The following RNF168 variants were observed in gnomAD, a reference collection of about 807,000 sequenced individuals.
The protein encoded by RNF168 is ring finger protein 168.
A neutral mutation model predicts 34.9 loss-of-function variants in RNF168; 34 were observed. That is an observed-to-expected ratio of 0.97 (90% confidence interval 0.74 to 1.30). RNF168 has a LOEUF of 1.30. Among genes scored for constraint, RNF168 ranks in the 50% most tolerant of loss-of-function variants. The pLI is 0.00. For synonymous variants in RNF168, 264 were observed against 254.7 expected (o/e 1.04, Z -0.35); for missense variants, 725 against 682.5 (o/e 1.06, Z -0.69).
intron 3 of RNF168, among the ~76,000 whole-genome samples, 165 bp downstream of exon 3, chr3:196,487,234 C>T (rs1387809071): frequency 1.3e-5 from 2 of 152,192 alleles, no homozygotes; most frequent in East Asian, 1.9e-4. Flanking sequence ...CTTTCCGTAT[C>T]AGCAGGTTCC....
intron 1 of RNF168, among the ~76,000 whole-genome samples, chr3:196,501,094 G>T (rs115583178): frequency 0.027 from 4,133 of 152,320 alleles, 113 homozygotes; most frequent in African/African-American, 0.064. Flanking sequence ...TGGTGAGGAA[G>T]TGAAGAAACT....
At chr3:196,492,037 G>C (rs1483428807) in intron 1 of RNF168, among the ~76,000 whole-genome samples, 1 of 152,188 alleles carries the variant, frequency 6.6e-6, no homozygotes, top group Admixed American at 6.5e-5. Flanking sequence ...TGGAAGATGA[G>C]AAAGTTCAGA....
chr3:196,472,330 C>T lies in RNF168; in HGVS notation c.1205G>A (p.Cys402Tyr). Residue 402 changes from cysteine (C) to tyrosine (Y), a missense_variant, in exon 6 of 6, where the codon TGC becomes TAC. Physicochemically the swap from Cys to Tyr is radical, Grantham distance 194 (BLOSUM62 -2). Coordinates refer to ENST00000318037, the MANE Select transcript of RNF168 (RefSeq NM_152617.4). ...ESSFEAVKDP[C>Y]FSAKRRKVSP... ...CACTTTTCTTCTTTTTGCAGAAAAGCATGGATCCTTGACTGCTTCAAAGGA... is the reference window on the plus strand; with the variant it reads ...CACTTTTCTTCTTTTTGCAGAAAAGTATGGATCCTTGACTGCTTCAAAGGA... 1.9e-6 allele frequency: 3 copies of T among 1,614,048 alleles called. No homozygotes were observed. Among genetic ancestry groups the T allele is most frequent in the Non-Finnish European group, 2.5e-6 (3 of 1,179,944 alleles).
In RNF168 at chr3:196,503,297, G is replaced by C; in HGVS notation, c.-124C>G. 1 of 853,842 alleles carries C rather than the reference G, an allele frequency of 1.2e-6. No homozygotes were observed. The highest frequency in any genetic ancestry group is 1.4e-5 in the South Asian group (1 of 69,478). The allele number at this position is 853,842 out of a possible 1,614,324, so 52.9% of individuals were successfully genotyped here. A position where few individuals can be genotyped will look rare whatever the true frequency, so the allele number is the denominator to read the frequency against. The stretch of plus-strand genomic sequence containing the variant: ...CAGTATTATGCCCAGAAGCGTATCA[G>C]AATTCGGAGAACAGGAGCATCCAAC... On this transcript the variant is annotated 5_prime_UTR_variant, in exon 1 of 6. Transcript: ENST00000318037.
At chr3:196,473,336 A>G (rs553496911) in intron 5 of RNF168, among the ~76,000 whole-genome samples, 1 of 152,330 alleles carries the variant, frequency 6.6e-6, no homozygotes, top group South Asian at 2.1e-4. Flanking sequence ...TACAAAAGGA[A>G]CAATTTATGT....
In RNF168 at chr3:196,469,943, T is replaced by C. The variant is rs1198871381; in HGVS notation, c.*1876A>G. 8.5e-6 allele frequency: 1 copy of C among 117,352 alleles called. No individual in the cohort carries two copies. The highest frequency in any genetic ancestry group is 2.6e-5 in the African/African-American group (1 of 39,090). 7.3% of individuals were successfully genotyped at this position (117,352 alleles called of 1,614,324 possible). ...TAATTTTGATTCTGATGCCTGATAG[T>C]AGGGTGTGAAAAGCTGTAAAACCCA... is the stretch of plus-strand genomic sequence containing the variant. On this transcript the variant is annotated 3_prime_UTR_variant, in exon 6 of 6. Coordinates refer to ENST00000318037, the MANE Select transcript of RNF168 (RefSeq NM_152617.4).
Position 196,503,677 on chromosome 3 carries a change from C to T in RNF168, c.-504G>A, listed in dbSNP as rs973382558. 11 of 193,294 alleles carry T rather than the reference C, an allele frequency of 5.7e-5. No homozygotes were observed. Among genetic ancestry groups the T allele is most frequent in the Middle Eastern group, 2.4e-3 (1 of 418 alleles). 12.0% of individuals were successfully genotyped at this position (193,294 alleles called of 1,614,324 possible). A position where few individuals can be genotyped will look rare whatever the true frequency, so the allele number is the denominator to read the frequency against. Reference sequence around the variant, plus strand: ...ACTCCCGTGTTCACCTTTCGGGCGCCTGGCGCAGTTTCCCAGAGCTCCGCG... The same window carrying T: ...ACTCCCGTGTTCACCTTTCGGGCGCTTGGCGCAGTTTCCCAGAGCTCCGCG... On this transcript the variant is annotated 5_prime_UTR_variant, in exon 1 of 6. Transcript: ENST00000318037.
At chr3:196,477,854 TG>T (rs973246750) in intron 4 of RNF168, among the ~76,000 whole-genome samples, 2 of 152,018 alleles carry the variant, frequency 1.3e-5, no homozygotes. Flanking sequence ...GAGGCTGAGG[TG>T]GGAGGATCGT....
chr3:196,498,865 C>T (rs140453071), intron 1 of RNF168, among the ~76,000 whole-genome samples: 2 of 151,786 alleles, frequency 1.3e-5, no homozygotes, highest in Non-Finnish European at 2.9e-5. Context: ...CATGGTGGTG[C>T]GTGCCTGTAA....
intron 1 of RNF168, among the ~76,000 whole-genome samples, chr3:196,502,305 G>A (rs1348055953): frequency 6.6e-6 from 1 of 152,100 alleles, no homozygotes; most frequent in Non-Finnish European, 1.5e-5. Flanking sequence ...GTAAATCAGA[G>A]GCCGGGCGCG....
rs747453569 is a variant in RNF168, at chr3:196,483,834, G to A, written c.616C>T (p.Pro206Ser). 6.2e-7 allele frequency: 1 copy of A among 1,607,918 alleles called. No homozygotes were observed. The highest frequency in any genetic ancestry group is 8.5e-7 in the Non-Finnish European group (1 of 1,174,436). Residue 206 changes from proline (P) to serine (S), a missense_variant, in exon 4 of 6, where the codon CCA becomes TCA. Transcript: ENST00000318037. ...ASPLNSRKSD[P>S]VTPKSEKKSK... is the part of the protein sequence containing the mutation. The stretch of plus-strand genomic sequence containing the variant: ...TTCTTTTCAGACTTGGGTGTAACTG[G>A]ATCAGATTTTCTGGAATTCAAGGGA...
In RNF168 at chr3:196,471,293, A is replaced by AC. The variant is rs1731999491; in HGVS notation, c.*525_*526insG. On this transcript the variant is annotated 3_prime_UTR_variant, in exon 6 of 6. Coordinates refer to ENST00000318037, the MANE Select transcript of RNF168 (RefSeq NM_152617.4). The stretch of plus-strand genomic sequence containing the variant: ...GAAACTCCGTCTAAAAAAAAAAAAC[A>AC]AACACCAAAGGAAATGCTACAATGC... 6.6e-6 allele frequency: 1 copy of AC among 151,292 alleles called. No individual in the cohort carries two copies. The highest frequency in any genetic ancestry group is 2.4e-5 in the African/African-American group (1 of 41,242). The allele number at this position is 151,292 out of a possible 1,614,324, so 9.4% of individuals were successfully genotyped here.
At chr3:196,483,668 G>T in intron 4 of RNF168, 102 bp downstream of exon 4, 1 of 1,015,516 alleles carries the variant, frequency 9.8e-7, no homozygotes, top group Non-Finnish European at 1.6e-6. Flanking sequence ...TTCATACAAA[G>T]TTCACGGACC....
rs774573354 is a variant in RNF168, at chr3:196,488,626, TA to T, written c.358del (p.Tyr120MetfsTer5). On this transcript the variant is annotated frameshift_variant, in exon 2 of 6. Transcript: ENST00000318037. LOFTEE classifies it high-confidence loss of function. Reference protein sequence around the residue: ...LSKPGELRREYEEEISKVAAE... With the variant: ...LSKPGELRREXEEEISKVAAE... ...ACCTACCTTGCTTATTTCCTCTTCA[TA>T]TTCTCTTCTCAGTTCCCCAGGTTTA... The T allele has an allele frequency of 1.9e-6, 3 of 1,601,302 alleles. No individual in the cohort carries two copies.
Position 196,487,065 on chromosome 3 carries a change from A to T in RNF168, c.558+334T>A, listed in dbSNP as rs146739919. ...GTAAGACCTGTCTCAAAAAACAAAA[A>T]ACCCCAAAAACCTGGATTAGAGCAA... On this transcript the variant is annotated intron_variant, in intron 3 of 5. Coordinates refer to ENST00000318037, the MANE Select transcript of RNF168 (RefSeq NM_152617.4). Among the ~76,000 whole-genome samples the T allele has an allele frequency of 1.2e-3, 187 of 152,302 alleles. 1 individual carries two copies. Among genetic ancestry groups the T allele is most frequent in the African/African-American group, 4.3e-3 (179 of 41,562 alleles).
intron 2 of RNF168, among the ~76,000 whole-genome samples, chr3:196,488,117 C>T (rs1276611308): frequency 6.6e-6 from 1 of 152,140 alleles, no homozygotes; most frequent in Non-Finnish European, 1.5e-5. Flanking sequence ...GGAACACTAT[C>T]ACATAAGAGC....
At chr3:196,495,759 A>C (rs138322998) in intron 1 of RNF168, among the ~76,000 whole-genome samples, 45 of 152,312 alleles carry the variant, frequency 3.0e-4, no homozygotes, top group African/African-American at 1.1e-3. Context: ...GTTCTCCGGC[A>C]AATTTTCAAG....
At chr3:196,493,575 G>A (rs963895918) in intron 1 of RNF168, among the ~76,000 whole-genome samples, 2 of 152,076 alleles carry the variant, frequency 1.3e-5, no homozygotes, top group African/African-American at 4.8e-5. Context: ...GCCCAGGCTG[G>A]AGTACAATGG....
intron 1 of RNF168, among the ~76,000 whole-genome samples, chr3:196,489,242 T>G (rs1016118468): frequency 6.6e-6 from 1 of 152,030 alleles, no homozygotes; most frequent in African/African-American, 2.4e-5. Context: ...TCCTCTAAAC[T>G]CCATTAAAAT....
Sources: allele counts gnomAD v4.1 joint callset (sites outside exome capture counted in the v4.1 genomes callset), GRCh38; gene constraint gnomAD v4.1.1; transcripts MANE v1.5; gene names NCBI Gene and HGNC (gene_info 2026-07-23, HGNC 2026-07-21).